LRMDA: variants seen among roughly 807,000 people sequenced by gnomAD.
LRMDA encodes leucine-rich melanocyte differentiation-associated protein.
In LRMDA, 18 loss-of-function variants were observed where a neutral mutation model predicts 29.8. The observed-to-expected ratio is 0.60, with a 90% confidence interval of 0.42 to 0.90. The LOEUF (loss-of-function observed/expected upper bound fraction) is 0.90, where lower values mean the gene tolerates loss of function less well. Ranked by LOEUF, LRMDA falls within the 40% of genes least tolerant of loss-of-function variation. The probability of loss-of-function intolerance (pLI) is 0.00; values close to 1 mark genes in which losing one functional copy is unlikely to be tolerated. For synonymous variants in LRMDA, 125 were observed against 109.4 expected (o/e 1.14, Z -0.89); for missense variants, 273 against 273.9 (o/e 1.00, Z 0.02).
intron 5 of LRMDA, among the ~76,000 whole-genome samples, chr10:76,094,255 T>C (rs1849279406): frequency 6.6e-6 from 1 of 152,226 alleles, no homozygotes; most frequent in Admixed American, 6.5e-5. Context: ...GTAATGCATG[T>C]GTACTGTAGA....
chr10:75,830,733 A>G (rs974423499), intron 2 of LRMDA, among the ~76,000 whole-genome samples: 1 of 152,148 alleles, frequency 6.6e-6, no homozygotes, highest in African/African-American at 2.4e-5. Flanking sequence ...GAGTCAAACT[A>G]TATCATTCTG....
At chr10:75,554,243 A>C (rs929569585) in intron 2 of LRMDA, among the ~76,000 whole-genome samples, 3 of 152,172 alleles carry the variant, frequency 2.0e-5, no homozygotes, top group African/African-American at 7.2e-5. Flanking sequence ...TGGAATTCCT[A>C]GATGATATTT....
intron 5 of LRMDA, among the ~76,000 whole-genome samples, chr10:76,190,911 A>G (rs565553165): frequency 6.6e-6 from 1 of 152,224 alleles, no homozygotes; most frequent in Non-Finnish European, 1.5e-5. Flanking sequence ...TTAATTGGTA[A>G]TGATTAGGGC....
At chr10:76,335,160 GAT>G (rs1203189892) in intron 6 of LRMDA, among the ~76,000 whole-genome samples, 1 of 152,212 alleles carries the variant, frequency 6.6e-6, no homozygotes, top group Non-Finnish European at 1.5e-5. Context: ...GCAAGAATTA[GAT>G]ATGATTATTC....
At chr10:76,257,827 C>A (rs867338973) in intron 5 of LRMDA, among the ~76,000 whole-genome samples, 2 of 152,126 alleles carry the variant, frequency 1.3e-5, no homozygotes, top group South Asian at 2.1e-4. Context: ...CTTATCTGGA[C>A]TGACTTGGTT....
intron 2 of LRMDA, among the ~76,000 whole-genome samples, chr10:75,452,326 T>C (rs995859723): frequency 2.6e-5 from 4 of 152,172 alleles, no homozygotes; most frequent in African/African-American, 9.7e-5. Flanking sequence ...TTATCGCGCG[T>C]CTCTGTTCTT....
At chr10:75,552,522 T>C (rs770869203) in intron 2 of LRMDA, 1 of 485,574 alleles carries the variant, frequency 2.1e-6, no homozygotes, top group South Asian at 1.5e-5. Context: ...CATAGTAAAC[T>C]ACTGAAAATC....
At chr10:76,458,167 G>A (rs897226747) in intron 6 of LRMDA, among the ~76,000 whole-genome samples, 1 of 63,180 alleles carries the variant, frequency 1.6e-5, no homozygotes, top group Non-Finnish European at 4.6e-5. Flanking sequence ...AAAAAATTTG[G>A]CCTGTTTTGT....
intron 2 of LRMDA, among the ~76,000 whole-genome samples, chr10:75,910,128 T>C (rs1845820274): frequency 6.6e-6 from 1 of 152,214 alleles, no homozygotes; most frequent in African/African-American, 2.4e-5. Flanking sequence ...TCATTTCACC[T>C]CCACTCCTTT....
chr10:76,090,512 G>T (rs1284141717), intron 5 of LRMDA, among the ~76,000 whole-genome samples: 2 of 152,154 alleles, frequency 1.3e-5, no homozygotes, highest in Non-Finnish European at 2.9e-5. Context: ...ATATGATCCG[G>T]CAATTCTGCT....
intron 2 of LRMDA, among the ~76,000 whole-genome samples, chr10:75,589,600 A>T (rs758195701): frequency 1.8e-4 from 27 of 152,112 alleles, no homozygotes; most frequent in Non-Finnish European, 3.5e-4. Flanking sequence ...CAAAAAAACA[A>T]AAACAAAACA....
rs572559579 is a variant in LRMDA at position 76,188,572 on chromosome 10, G to T, written c.516+129789G>T. Among the ~76,000 whole-genome samples, 3 of 152,236 alleles carry T rather than the reference G, an allele frequency of 2.0e-5. No individual in the cohort carries two copies. The South Asian group carries it at 6.2e-4, about 32-fold the overall frequency. On this transcript the variant is annotated intron_variant, in intron 5 of 6. Transcript: ENST00000611255. ...AGATGGTGGAATGTGTCTAAGTTTG[G>T]CAACCCATATTCACCTGATGGAATA...
intron 2 of LRMDA, among the ~76,000 whole-genome samples, chr10:75,656,399 A>G (rs188669442): frequency 6.6e-6 from 1 of 152,204 alleles, no homozygotes; most frequent in Non-Finnish European, 1.5e-5. Context: ...CTATGATTCC[A>G]TTCTATGAAT....
At chr10:76,044,944 TC>T (rs933806680) in intron 3 of LRMDA, among the ~76,000 whole-genome samples, 1 of 151,690 alleles carries the variant, frequency 6.6e-6, no homozygotes, top group Non-Finnish European at 1.5e-5. Context: ...CTTGTTAGTT[TC>T]CCCCTCTTGC....
intron 2 of LRMDA, among the ~76,000 whole-genome samples, chr10:75,913,550 A>G (rs777804396): frequency 5.9e-5 from 9 of 152,208 alleles, no homozygotes; most frequent in Non-Finnish European, 8.8e-5. Flanking sequence ...CTCATAGGTC[A>G]TGCGCCCCGT....
chr10:76,260,192 A>G (rs1433431043), intron 5 of LRMDA, among the ~76,000 whole-genome samples: 1 of 151,960 alleles, frequency 6.6e-6, no homozygotes, highest in East Asian at 1.9e-4. Context: ...TTGGACTTAG[A>G]TGTTCCCTGT....
At chr10:75,884,826 C>T (rs1487287156) in intron 2 of LRMDA, among the ~76,000 whole-genome samples, 1 of 152,204 alleles carries the variant, frequency 6.6e-6, no homozygotes, top group African/African-American at 2.4e-5. Flanking sequence ...AAGTCATGAG[C>T]ATCATTTTCC....
At chr10:76,170,945 C>G (rs935550055) in intron 5 of LRMDA, among the ~76,000 whole-genome samples, 3 of 152,160 alleles carry the variant, frequency 2.0e-5, no homozygotes, top group African/African-American at 4.8e-5. Context: ...TAGAAGAATA[C>G]CTAGCACTTG....
intron 5 of LRMDA, among the ~76,000 whole-genome samples, chr10:76,306,078 C>A (rs1840551763): frequency 6.6e-6 from 1 of 152,278 alleles, no homozygotes; most frequent in African/African-American, 2.4e-5. Context: ...AAGTTCTTAT[C>A]TAGAAAGGTA....
Sources: gnomAD v4.1 joint callset for allele counts (sites outside exome capture counted in the v4.1 genomes callset) on GRCh38, gnomAD v4.1.1 for gene constraint, MANE v1.5 for transcripts, NCBI Gene and HGNC (gene_info 2026-07-23, HGNC 2026-07-21) for gene names.